Variants in ATG2B observed in about 807,000 individuals in gnomAD.
ATG2B encodes autophagy related 2B, also known as autophagy-related protein 2 homolog B.
ATG2B carries 121 observed loss-of-function variants against 241.3 expected under a neutral mutation model. The observed-to-expected ratio is 0.50, with a 90% CI of 0.43 to 0.58. The LOEUF is 0.58. Among genes scored for constraint, ATG2B ranks in the 20% least tolerant of loss-of-function variants. The pLI is 0.00. For missense variants in ATG2B, 2,306 were observed against 2,491.6 expected (o/e 0.93, Z 1.59); for synonymous variants, 858 against 876.6 (o/e 0.98, Z 0.37).
At chr14:96,352,912 A>G (rs1019438846) in intron 1 of ATG2B, among the ~76,000 whole-genome samples, 11 of 152,336 alleles carry the variant, frequency 7.2e-5, no homozygotes, top group African/African-American at 2.6e-4. Flanking sequence ...AGGCCTTCAC[A>G]TTCACTCACT....
rs545793605 is a variant in ATG2B at position 96,290,154 on chromosome 14, G to A, written c.5856+282C>T. ...CAACGCCTTCTTCAAATTTAGCTAC[G>A]ATCCTTTCATACAAATATGGTGAAA... On this transcript the variant is annotated intron_variant, in intron 40 of 41. Coordinates refer to ENST00000359933, the MANE Select transcript of ATG2B (RefSeq NM_018036.7). This position sits in a 1 kb window ranked among gnomAD's most constrained non-coding sequence, Gnocchi z 4.4. 8 of 1,249,582 alleles carry A rather than the reference G, an allele frequency of 6.4e-6. No individual in the cohort carries two copies. Among genetic ancestry groups the A allele is most frequent in the African/African-American group, 6.1e-5 (4 of 65,852 alleles). The allele number at this position is 1,249,582 out of a possible 1,614,324, so 77.4% of individuals were successfully genotyped here.
Position 96,313,387 on chromosome 14 carries a change from G to C in ATG2B, c.3691C>G (p.Pro1231Ala), listed in dbSNP as rs779208668. Reference protein sequence around the residue: ...IADEPVLGYNPPTSFTTFHVH... With the variant: ...IADEPVLGYNAPTSFTTFHVH... ...TGAAAAGTTGTAAATGAAGTTGGAG[G>C]ATTATATCCCAAAACAGGTTCATCA... Residue 1231 changes from proline to alanine, a missense_variant, in exon 24 of 42, where the codon CCT becomes GCT. By Grantham distance (27) the Pro-to-Ala change is conservative. This residue lies in a region of ATG2B where 1,927 missense variants were observed against 2,011.2 expected (regional missense o/e 0.96). Transcript: ENST00000359933. The C allele has an allele frequency of 6.3e-7, 1 of 1,595,862 alleles. No homozygotes were observed. Among genetic ancestry groups the C allele is most frequent in the Non-Finnish European group, 8.5e-7 (1 of 1,174,586 alleles).
chr14:96,297,762 T>C (rs1886686881), intron 34 of ATG2B, among the ~76,000 whole-genome samples: 1 of 152,060 alleles, frequency 6.6e-6, no homozygotes, highest in Admixed American at 6.6e-5. Flanking sequence ...CTAAACTCTT[T>C]ACAAATCAGT....
At position 96,305,737 on chromosome 14, in the gene ATG2B, C is replaced by T. The variant is rs763093217; in HGVS notation, c.4585G>A (p.Val1529Ile). 6.8e-5 allele frequency: 109 copies of T among 1,614,140 alleles called. No homozygotes were observed. Among genetic ancestry groups the T allele is most frequent in the South Asian group, 4.1e-4 (37 of 91,076 alleles). The change falls in exon 31 of 42, where the codon GTT becomes ATT. Residue 1529 changes from valine to isoleucine, a missense_variant. Coordinates refer to ENST00000359933, the MANE Select transcript of ATG2B (RefSeq NM_018036.7). Reference protein sequence around the residue: ...VIRDNYFSLPVNKTDTSKAPL... With the variant: ...VIRDNYFSLPINKTDTSKAPL... ...GCTTTGCTCGTATCGGTCTTATTAACGGGCAGACTGAAATAATTGTCTCTT... is the reference window on the plus strand; with the variant it reads ...GCTTTGCTCGTATCGGTCTTATTAATGGGCAGACTGAAATAATTGTCTCTT...
At chr14:96,340,539 G>A (rs1888005608) in intron 6 of ATG2B, among the ~76,000 whole-genome samples, 1 of 151,978 alleles carries the variant, frequency 6.6e-6, no homozygotes, top group African/African-American at 2.4e-5. Flanking sequence ...TAGACTGATG[G>A]TTACCAGAGG....
At chr14:96,286,326 T>C (rs1045256926) in intron 41 of ATG2B, among the ~76,000 whole-genome samples, 1 of 152,228 alleles carries the variant, frequency 6.6e-6, no homozygotes, top group African/African-American at 2.4e-5. Context: ...ACAAAGCTTC[T>C]TGAATATATT....
In ATG2B at chr14:96,341,666, G is replaced by A; in HGVS notation, c.780C>T (p.Pro260=). ...GTGGGTGTGGCTCATAAATAATTTT[G>A]GGGTTCCAGCTAGGTGAGAGCTTTG... The part of the protein sequence containing the change: ...TEPKLSPSWN[P]KIIYEPHPQL... The change falls in exon 6 of 42, where the codon CCC becomes CCT. Residue 260 remains proline, a synonymous_variant. Coordinates refer to ENST00000359933, the MANE Select transcript of ATG2B (RefSeq NM_018036.7). 6.3e-7 allele frequency: 1 copy of A among 1,589,770 alleles called. No homozygotes were observed. The highest frequency in any genetic ancestry group is 8.6e-7 in the Non-Finnish European group (1 of 1,165,798).
At chr14:96,339,576 C>G (rs1187562891) in intron 6 of ATG2B, among the ~76,000 whole-genome samples, 2 of 151,822 alleles carry the variant, frequency 1.3e-5, no homozygotes, top group Non-Finnish European at 2.9e-5. Context: ...TTTGCAGCAA[C>G]TTGGATGGAA....
chr14:96,319,606 G>A (rs1028549374), intron 18 of ATG2B, among the ~76,000 whole-genome samples: 3 of 152,122 alleles, frequency 2.0e-5, no homozygotes, highest in Non-Finnish European at 4.4e-5. Context: ...TAAAAGGATA[G>A]TATTGACATA....
intron 16 of ATG2B, among the ~76,000 whole-genome samples, 155 bp downstream of exon 16, chr14:96,323,741 C>T (rs1001953380): frequency 1.3e-5 from 2 of 152,194 alleles, no homozygotes; most frequent in Admixed American, 1.3e-4. Flanking sequence ...ACATCTCACA[C>T]ATTCATGTGA....
At chr14:96,324,959 A>C (rs1186159968) in intron 15 of ATG2B, among the ~76,000 whole-genome samples, 3 of 152,156 alleles carry the variant, frequency 2.0e-5, no homozygotes, top group African/African-American at 7.2e-5. Flanking sequence ...TGGTCTAGGA[A>C]CCACAGGATA....
intron 1 of ATG2B, among the ~76,000 whole-genome samples, chr14:96,352,585 C>T (rs1888356676): frequency 6.7e-6 from 1 of 150,036 alleles, no homozygotes; most frequent in Non-Finnish European, 1.5e-5. Flanking sequence ...TTTTTTGCGT[C>T]TTAGTTTTTG....
chr14:96,340,925 C>CG lies in ATG2B; in HGVS notation c.924+596dup, dbSNP rs1159664930. ...TGGGCAACAGAGGGAGACCCCATCT[C>CG]GAAAAAAAAAAAAAAAAAGAATGAA... On this transcript the variant is annotated intron_variant, in intron 6 of 41. Coordinates refer to ENST00000359933, the MANE Select transcript of ATG2B (RefSeq NM_018036.7). 9.2e-3 allele frequency among the ~76,000 whole-genome samples: 352 copies of CG among 38,308 alleles called. 2 individuals carry two copies. The highest frequency in any genetic ancestry group is 0.013 in the Non-Finnish European group (242 of 19,340). The allele number at this position is 38,308 out of a possible 152,430, so 25.1% of individuals were successfully genotyped here. A position where few individuals can be genotyped will look rare whatever the true frequency, so the allele number is the denominator to read the frequency against.
chr14:96,288,382 C>T (rs1886395005), intron 41 of ATG2B, among the ~76,000 whole-genome samples: 1 of 152,230 alleles, frequency 6.6e-6, no homozygotes, highest in Non-Finnish European at 1.5e-5. Flanking sequence ...ACTGCTATTA[C>T]ATCTTACTGC....
At chr14:96,338,622 C>T (rs1464647757) in intron 6 of ATG2B, among the ~76,000 whole-genome samples, 1 of 152,036 alleles carries the variant, frequency 6.6e-6, no homozygotes. Context: ...CATCTCTCAC[C>T]CTATACAAGA....
intron 18 of ATG2B, among the ~76,000 whole-genome samples, chr14:96,318,766 G>T (rs544231632): frequency 6.6e-6 from 1 of 151,982 alleles, no homozygotes; most frequent in East Asian, 1.9e-4. Flanking sequence ...ATCCATCCTC[G>T]AAGTTTTCAA....
intron 1 of ATG2B, among the ~76,000 whole-genome samples, chr14:96,351,766 T>C (rs1460277862): frequency 6.6e-6 from 1 of 150,414 alleles, no homozygotes; most frequent in Non-Finnish European, 1.5e-5. Flanking sequence ...GATGGCATGG[T>C]AGCCCGTGCC....
chr14:96,348,276 TAA>T (rs1378419674), intron 1 of ATG2B, among the ~76,000 whole-genome samples: 1 of 152,156 alleles, frequency 6.6e-6, no homozygotes, highest in East Asian at 1.9e-4. Flanking sequence ...CTATGGAAGC[TAA>T]AAATTAAAAC....
At position 96,289,373 on chromosome 14, in the gene ATG2B, C is replaced by T. The variant is rs1360760231; in HGVS notation, c.6006+283G>A. On this transcript the variant is annotated intron_variant, in intron 41 of 41. Coordinates refer to ENST00000359933, the MANE Select transcript of ATG2B (RefSeq NM_018036.7). The surrounding 1 kb of genome is among the most constrained non-coding windows in gnomAD (Gnocchi z 4.3). ...GTATAAATGTGTTAAACCTAGACAG[C>T]GATCACACGGCATTTGTTTCTATCA... 2 of 285,764 alleles carry T rather than the reference C, an allele frequency of 7.0e-6. No homozygotes were observed. Among genetic ancestry groups the T allele is most frequent in the Non-Finnish European group, 1.3e-5 (2 of 151,562 alleles). 17.7% of individuals were successfully genotyped at this position (285,764 alleles called of 1,614,324 possible).
Sources: gnomAD v4.1 joint callset for allele counts (sites outside exome capture counted in the v4.1 genomes callset) on GRCh38, gnomAD v4.1.1 for gene constraint, gnomAD v4.1.1 regional missense constraint, Gnocchi (gnomAD v3.1) non-coding constraint, MANE v1.5 for transcripts, NCBI Gene and HGNC (gene_info 2026-07-23, HGNC 2026-07-21) for gene names.